ABHD2: variants seen among roughly 807,000 people sequenced by gnomAD.
The protein encoded by ABHD2 is monoacylglycerol lipase ABHD2.
ABHD2 carries 20 observed loss-of-function variants against 48.1 expected under a neutral mutation model. The observed-to-expected ratio is 0.42, with a 90% CI of 0.29 to 0.60. The LOEUF (loss-of-function observed/expected upper bound fraction) is 0.60, where lower values mean the gene tolerates loss of function less well. ABHD2 is among the 20% of genes least tolerant of loss of function. The pLI, the probability that ABHD2 is intolerant of heterozygous loss-of-function variation, is 0.24. For missense variants in ABHD2, 405 were observed against 550.9 expected (o/e 0.74, Z 2.65); for synonymous variants, 209 against 214.2 (o/e 0.98, Z 0.21).
intron 3 of ABHD2, among the ~76,000 whole-genome samples, chr15:89,131,089 T>G (rs1231850964): frequency 1.3e-5 from 2 of 152,192 alleles, no homozygotes; most frequent in African/African-American, 2.4e-5. Context: ...TCTCTACCCT[T>G]TCTAATTGAT....
In ABHD2 at chr15:89,175,682, C is replaced by T. The variant is rs1005399; in HGVS notation, c.539-130C>T. ...CCACACACATCCCCCGACACACACA[C>T]GTATATATACACATATATATTTCTC... On this transcript the variant is annotated intron_variant, in intron 5 of 10. Coordinates refer to ENST00000352732, the MANE Select transcript of ABHD2 (RefSeq NM_152924.5). This position sits in a 1 kb window ranked among gnomAD's most constrained non-coding sequence, Gnocchi z 5.7. 0.13 allele frequency: 118,450 copies of T among 939,430 alleles called. 8,175 individuals carry two copies. Among genetic ancestry groups the T allele is most frequent in the South Asian group, 0.19 (12,896 of 67,116 alleles). 58.2% of individuals were successfully genotyped at this position (939,430 alleles called of 1,614,324 possible). A position where few individuals can be genotyped will look rare whatever the true frequency, so the allele number is the denominator to read the frequency against.
intron 6 of ABHD2, among the ~76,000 whole-genome samples, chr15:89,178,992 G>A (rs1043614234): frequency 1.3e-5 from 2 of 152,222 alleles, no homozygotes; most frequent in Non-Finnish European, 2.9e-5. Flanking sequence ...TGCAGTTTGG[G>A]TGTAAAAGAT....
chr15:89,124,186 A>T (rs1010157996), intron 3 of ABHD2, among the ~76,000 whole-genome samples: 26 of 152,252 alleles, frequency 1.7e-4, no homozygotes, highest in African/African-American at 6.0e-4. Flanking sequence ...ATAGTGCAAT[A>T]TATGGAGTTA....
chr15:89,099,569 C>T (rs2049667958), intron 1 of ABHD2, among the ~76,000 whole-genome samples: 1 of 151,920 alleles, frequency 6.6e-6, no homozygotes, highest in Non-Finnish European at 1.5e-5. Flanking sequence ...GCTATGATTG[C>T]ACCACTGCAC....
chr15:89,159,077 T>TA (rs1169556061), intron 5 of ABHD2, among the ~76,000 whole-genome samples: 1 of 151,804 alleles, frequency 6.6e-6, no homozygotes, highest in African/African-American at 2.4e-5. Flanking sequence ...TGAGTGTCGT[T>TA]AAAGAATTAC....
rs948822024 is a variant in ABHD2 at position 89,150,143 on chromosome 15, A to G, written c.195-1534A>G. On this transcript the variant is annotated intron_variant, in intron 3 of 10. Transcript: ENST00000352732. ...TTCTAAACATGATCAGAAGGTAGGC[A>G]TATGAAATTTACTCATTCTTCTGAT... 3.3e-5 allele frequency among the ~76,000 whole-genome samples: 5 copies of G among 152,206 alleles called. No homozygotes were observed. The South Asian group carries it at 1.0e-3, about 31-fold the overall frequency.
chr15:89,088,262 A>C (rs907733473), upstream of ABHD2: 3 of 152,380 alleles, frequency 2.0e-5, no homozygotes, highest in Non-Finnish European at 4.4e-5. The surrounding 1 kb of genome is among the most constrained non-coding windows in gnomAD (Gnocchi z 6.8). Context: ...TCCCCTAAGA[A>C]TCCCGCCTCC....
In ABHD2 at chr15:89,142,037, G is replaced by A. The variant is rs374292242; in HGVS notation, c.195-9640G>A. On this transcript the variant is annotated intron_variant, in intron 3 of 10. Transcript: ENST00000352732. ...ACTCATAGGAGTCTCTAGAATGAAAGCATCTGTCTGTCCTTATCATGTTTG... is the reference window on the plus strand; with the variant it reads ...ACTCATAGGAGTCTCTAGAATGAAAACATCTGTCTGTCCTTATCATGTTTG... 1.8e-4 allele frequency among the ~76,000 whole-genome samples: 28 copies of A among 152,292 alleles called. No homozygotes were observed. In the East Asian group the frequency reaches 5.0e-3, roughly 27 times the overall value.
Position 89,175,078 on chromosome 15 carries a change from C to T in ABHD2, c.539-734C>T, listed in dbSNP as rs1417503813. 6.6e-6 allele frequency among the ~76,000 whole-genome samples: 1 copy of T among 152,164 alleles called. No homozygotes were observed. The stretch of plus-strand genomic sequence containing the variant: ...TGAAGTTTATCTTTCCTCTCCTTTC[C>T]AACTCTGTCAAGAAGATTCTGTAAA... On this transcript the variant is annotated intron_variant, in intron 5 of 10. Coordinates refer to ENST00000352732, the MANE Select transcript of ABHD2 (RefSeq NM_152924.5). The surrounding 1 kb of genome is among the most constrained non-coding windows in gnomAD (Gnocchi z 5.7).
the ABHD2 span, among the ~76,000 whole-genome samples, chr15:89,059,849 G>A: frequency 6.6e-6 from 1 of 152,078 alleles, no homozygotes; most frequent in South Asian, 2.1e-4. Flanking sequence ...TGCAGGGTCC[G>A]TGGCCGAAGG....
chr15:89,080,325 G>C, the ABHD2 span, among the ~76,000 whole-genome samples: 1 of 152,188 alleles, frequency 6.6e-6, no homozygotes, highest in African/African-American at 2.4e-5. Context: ...ATGTGGGAAA[G>C]TTCAAGTGTA....
the ABHD2 span, among the ~76,000 whole-genome samples, chr15:89,046,506 G>T: frequency 1.3e-5 from 2 of 151,742 alleles, no homozygotes; most frequent in Non-Finnish European, 2.9e-5. Context: ...GGTAGAATTT[G>T]GCTGTGAATC....
chr15:89,126,697 C>T (rs1298216155), intron 3 of ABHD2, among the ~76,000 whole-genome samples: 1 of 152,140 alleles, frequency 6.6e-6, no homozygotes, highest in Non-Finnish European at 1.5e-5. Context: ...AGAATTTTTC[C>T]TAAACTCTCA....
rs572930406 is a variant in ABHD2 at position 89,116,539 on chromosome 15, C to G, written c.194+18C>G. The G allele has an allele frequency of 6.2e-7, 1 of 1,602,792 alleles. No individual in the cohort carries two copies. The highest frequency in any genetic ancestry group is 8.5e-7 in the Non-Finnish European group (1 of 1,173,824). On this transcript the variant is annotated intron_variant, in intron 3 of 10. Coordinates refer to ENST00000352732, the MANE Select transcript of ABHD2 (RefSeq NM_152924.5). This position sits in a 1 kb window ranked among gnomAD's most constrained non-coding sequence, Gnocchi z 4.6. ...ACCAAAGAGTGAGTAGACCTCATGCCCTCTGTATGCTCAGCTGCTGATGTA... is the reference window on the plus strand; with the variant it reads ...ACCAAAGAGTGAGTAGACCTCATGCGCTCTGTATGCTCAGCTGCTGATGTA...
chr15:89,048,263 G>A, the ABHD2 span, among the ~76,000 whole-genome samples: 1 of 152,262 alleles, frequency 6.6e-6, no homozygotes, highest in South Asian at 2.1e-4. Context: ...TCTGCCGAGA[G>A]ATCCGCTGTT....
Position 89,088,474 on chromosome 15 carries a change from G to A in ABHD2, c.-196G>A, listed in dbSNP as rs1041486158. 4 of 152,832 alleles carry A rather than the reference G, an allele frequency of 2.6e-5. No individual in the cohort carries two copies. The highest frequency in any genetic ancestry group is 9.6e-5 in the African/African-American group (4 of 41,466). The allele number at this position is 152,832 out of a possible 1,614,324, so 9.5% of individuals were successfully genotyped here. Reference sequence around the variant, plus strand: ...GGGAGCTGCACTGGCCAGGGGTTCCGGCTGTATATCCATGAGCGCCGCTGG... The same window carrying A: ...GGGAGCTGCACTGGCCAGGGGTTCCAGCTGTATATCCATGAGCGCCGCTGG... On this transcript the variant is annotated 5_prime_UTR_variant, in exon 1 of 11. Coordinates refer to ENST00000352732, the MANE Select transcript of ABHD2 (RefSeq NM_152924.5). This position sits in a 1 kb window ranked among gnomAD's most constrained non-coding sequence, Gnocchi z 6.8.
intron 1 of ABHD2, among the ~76,000 whole-genome samples, chr15:89,101,425 C>G (rs913817850): frequency 6.6e-6 from 1 of 152,204 alleles, no homozygotes; most frequent in Non-Finnish European, 1.5e-5. Context: ...GTGGCAATTA[C>G]TCATAAAGGC....
intron 1 of ABHD2, among the ~76,000 whole-genome samples, chr15:89,095,372 A>G (rs1253044791): frequency 1.3e-5 from 2 of 152,336 alleles, no homozygotes; most frequent in South Asian, 2.1e-4. Context: ...TTCAGGTGGT[A>G]CAGACTACAC....
At chr15:89,052,576 C>T in the ABHD2 span, among the ~76,000 whole-genome samples, 2 of 151,506 alleles carry the variant, frequency 1.3e-5, no homozygotes, top group Non-Finnish European at 2.9e-5. Context: ...CACACACACA[C>T]ACACGACACA....
Sources: gnomAD v4.1 joint callset for allele counts (sites outside exome capture counted in the v4.1 genomes callset) on GRCh38, gnomAD v4.1.1 for gene constraint, Gnocchi (gnomAD v3.1) non-coding constraint, MANE v1.5 for transcripts, NCBI Gene and HGNC (gene_info 2026-07-23, HGNC 2026-07-21) for gene names.